APPL1: variants seen among roughly 807,000 people sequenced by gnomAD.
APPL1 encodes the protein DCC-interacting protein 13-alpha.
In APPL1, 42 loss-of-function variants were observed where a neutral mutation model predicts 106.8. The observed-to-expected ratio is 0.39, with a 90% CI of 0.31 to 0.51. The LOEUF is 0.51. APPL1 is among the 20% of genes least tolerant of loss of function. The probability of loss-of-function intolerance (pLI) is 0.75; values close to 1 mark genes in which losing one functional copy is unlikely to be tolerated. For missense variants in APPL1, 769 were observed against 858.2 expected (o/e 0.90, Z 1.30); for synonymous variants, 263 against 281.8 (o/e 0.93, Z 0.67).
chr3:57,243,668 ATTTCCT>A (rs993923624), intron 7 of APPL1, among the ~76,000 whole-genome samples: 4 of 152,162 alleles, frequency 2.6e-5, no homozygotes, highest in African/African-American at 9.7e-5. Context: ...ACAAAGATTG[ATTTCCT>A]TTTCGTTTCT....
chr3:57,250,871 G>A (rs1349639210), intron 11 of APPL1, among the ~76,000 whole-genome samples: 4 of 140,888 alleles, frequency 2.8e-5, no homozygotes, highest in Admixed American at 7.5e-5. Context: ...GCAGTGGCGC[G>A]ATCTCGGCTC....
chr3:57,255,329 G>T (rs555150264), intron 13 of APPL1, among the ~76,000 whole-genome samples: 6 of 152,260 alleles, frequency 3.9e-5, no homozygotes, highest in African/African-American at 1.2e-4. Flanking sequence ...TCTTTGGGAG[G>T]CTCTCACTCT....
At chr3:57,267,106 G>T (rs149489671) in intron 19 of APPL1, among the ~76,000 whole-genome samples, 11 of 152,180 alleles carry the variant, frequency 7.2e-5, no homozygotes, top group African/African-American at 2.7e-4. Flanking sequence ...TGGGCAATAT[G>T]GTTATTTTAA....
At position 57,228,394 on chromosome 3, in the gene APPL1, G is replaced by T. The variant is rs1452783058; in HGVS notation, c.54+457G>T. ...AAGGAAATGGATCGTTTTTCTTTGG[G>T]AGAGGCTGTAAGGTTGTGTGTGGAG... On this transcript the variant is annotated intron_variant, in intron 1 of 21. Transcript: ENST00000288266. This position sits in a 1 kb window ranked among gnomAD's most constrained non-coding sequence, Gnocchi z 4.6. Among the ~76,000 whole-genome samples, 1 of 152,218 alleles carries T rather than the reference G, an allele frequency of 6.6e-6. No homozygotes were observed. The highest frequency in any genetic ancestry group is 3.2e-3 in the Middle Eastern group (1 of 316).
intron 1 of APPL1, among the ~76,000 whole-genome samples, chr3:57,233,722 CTA>C (rs2060701293): frequency 6.6e-6 from 1 of 152,016 alleles, no homozygotes; most frequent in Non-Finnish European, 1.5e-5. Flanking sequence ...CTTCTTTATA[CTA>C]TATTGACTTA....
chr3:57,257,317 C>A lies in APPL1; in HGVS notation c.1319C>A (p.Ala440Asp). 1 of 1,614,070 alleles carries A rather than the reference C, an allele frequency of 6.2e-7. No individual in the cohort carries two copies. Among genetic ancestry groups the A allele is most frequent in the Non-Finnish European group, 8.5e-7 (1 of 1,180,002 alleles). ...GGATCTGAGTCTACAAATTTGGCTG[C>A]CCTCTCTCTAGATTCTCTTGTTGCC... Reference protein sequence around the residue: ...SLGSESTNLAALSLDSLVAPD... With the variant: ...SLGSESTNLADLSLDSLVAPD... Residue 440 changes from alanine to aspartate, a missense_variant, in exon 15 of 22, where the codon GCC becomes GAC. Ala to Asp is a moderately radical substitution (Grantham distance 126). Coordinates refer to ENST00000288266, the MANE Select transcript of APPL1 (RefSeq NM_012096.3).
At chr3:57,263,126 C>T (rs2060876309) in intron 19 of APPL1, among the ~76,000 whole-genome samples, 1 of 152,114 alleles carries the variant, frequency 6.6e-6, no homozygotes, top group Non-Finnish European at 1.5e-5. Flanking sequence ...GCTGGGATTA[C>T]AGGTGTGAGC....
At chr3:57,263,801 C>T (rs2060880725) in intron 19 of APPL1, among the ~76,000 whole-genome samples, 1 of 150,018 alleles carries the variant, frequency 6.7e-6, no homozygotes, top group African/African-American at 2.5e-5. Flanking sequence ...TTGATGGACA[C>T]TTAGGTGGCT....
rs184688873 is a variant in APPL1 at position 57,230,621 on chromosome 3, T to G, written c.54+2684T>G. 1.4e-4 allele frequency: 39 copies of G among 282,996 alleles called. No homozygotes were observed. In the East Asian group the frequency reaches 4.9e-3, roughly 35 times the overall value. The allele number at this position is 282,996 out of a possible 1,614,324, so 17.5% of individuals were successfully genotyped here. On this transcript the variant is annotated intron_variant, in intron 1 of 21. Coordinates refer to ENST00000288266, the MANE Select transcript of APPL1 (RefSeq NM_012096.3). ...ATTTCACAACCCTTTGCTGGACTTTTAGAGTTTTCCCAAAGTTTTGCTTTT... is the reference window on the plus strand; with the variant it reads ...ATTTCACAACCCTTTGCTGGACTTTGAGAGTTTTCCCAAAGTTTTGCTTTT...
At chr3:57,258,391 G>T (rs9832408) in intron 15 of APPL1, among the ~76,000 whole-genome samples, 57,942 of 151,950 alleles carry the variant, frequency 0.38, 12,730 homozygotes, top group East Asian at 0.85. Flanking sequence ...AACTCCCAGG[G>T]TCAAGCAGTC....
chr3:57,240,878 G>C (rs1579385082), intron 5 of APPL1, among the ~76,000 whole-genome samples: 1 of 152,212 alleles, frequency 6.6e-6, no homozygotes, highest in East Asian at 1.9e-4. Context: ...CTTTACCCAA[G>C]GATGTGACAT....
At chr3:57,237,991 AT>A in intron 3 of APPL1, 53 bp from the exon 4 acceptor site, 2 of 1,340,100 alleles carry the variant, frequency 1.5e-6, no homozygotes, top group South Asian at 2.6e-5. Flanking sequence ...TAGTAATGTC[AT>A]TCCCAAAAGA....
intron 12 of APPL1, 128 bp downstream of exon 12, chr3:57,252,439 T>C: frequency 1.5e-6 from 1 of 655,692 alleles, no homozygotes. Flanking sequence ...TTTCTTTTTC[T>C]TTTTTGTTTT....
At chr3:57,251,759 T>C (rs1305899364) in intron 11 of APPL1, among the ~76,000 whole-genome samples, 2 of 152,112 alleles carry the variant, frequency 1.3e-5, no homozygotes, top group African/African-American at 4.8e-5. Context: ...TTCACATTCC[T>C]GGTGTGATGC....
intron 19 of APPL1, among the ~76,000 whole-genome samples, chr3:57,265,394 C>T (rs2060889252): frequency 6.6e-6 from 1 of 152,204 alleles, no homozygotes; most frequent in Non-Finnish European, 1.5e-5. Flanking sequence ...AAGTGATCCA[C>T]CTGTCTCGGC....
chr3:57,246,045 T>C, intron 7 of APPL1, 31 bp from the exon 8 acceptor site: 1 of 1,488,898 alleles, frequency 6.7e-7, no homozygotes. Flanking sequence ...GCAGATTATT[T>C]ACTTAATTAT....
chr3:57,252,367 A>G, intron 12 of APPL1, 56 bp downstream of exon 12: 1 of 1,306,338 alleles, frequency 7.7e-7, no homozygotes, highest in Non-Finnish European at 1.1e-6. Flanking sequence ...TTTTCTGATG[A>G]CAAAACATAT....
Position 57,256,820 on chromosome 3 carries a change from A to AAT in APPL1, c.1153-133_1153-132dup, listed in dbSNP as rs1200308551. ...ATGTACCCTAATATTAAGACGAGGG[A>AAT]ATATAGTACTACTTTAGTAGCTCTA... is the stretch of plus-strand genomic sequence containing the variant. On this transcript the variant is annotated intron_variant, in intron 13 of 21. Transcript: ENST00000288266. 14 of 651,776 alleles carry AAT rather than the reference A, an allele frequency of 2.1e-5. No individual in the cohort carries two copies. In the African/African-American group the frequency reaches 2.2e-4, roughly 10 times the overall value. 40.4% of individuals were successfully genotyped at this position (651,776 alleles called of 1,614,324 possible).
chr3:57,269,793 A>G lies in APPL1; in HGVS notation c.*106A>G, dbSNP rs2060923321. 1.0e-5 allele frequency: 13 copies of G among 1,266,004 alleles called. No individual in the cohort carries two copies. The highest frequency in any genetic ancestry group is 2.4e-4 in the Middle Eastern group (1 of 4,114). The allele number at this position is 1,266,004 out of a possible 1,614,324, so 78.4% of individuals were successfully genotyped here. On this transcript the variant is annotated 3_prime_UTR_variant, in exon 22 of 22. Transcript: ENST00000288266. ...AATATCAAGGAGGAGATTAAGCTTT[A>G]TATTTGCTTATTTGTTGTAGCTACA...
Sources: allele counts gnomAD v4.1 joint callset (sites outside exome capture counted in the v4.1 genomes callset), GRCh38; gene constraint gnomAD v4.1.1; non-coding constraint Gnocchi (gnomAD v3.1); transcripts MANE v1.5; gene names NCBI Gene and HGNC (gene_info 2026-07-23, HGNC 2026-07-21).